HTR4: variants seen among roughly 807,000 people sequenced by gnomAD.
HTR4 encodes 5-hydroxytryptamine receptor 4.
In HTR4, 16 loss-of-function variants were observed where a neutral mutation model predicts 36.8. The ratio of observed to expected loss-of-function variants is 0.43; its 90% CI spans 0.29 to 0.66. The LOEUF is 0.66. Ranked by LOEUF, HTR4 falls within the 30% of genes least tolerant of loss-of-function variation. The pLI is 0.13. For synonymous variants in HTR4, 189 were observed against 185.1 expected, an observed-to-expected ratio of 1.02 and a Z score of -0.17; for missense variants, 438 against 490.9, an observed-to-expected ratio of 0.89 and a Z score of 1.02.
intron 5 of HTR4, among the ~76,000 whole-genome samples, chr5:148,457,487 C>A (rs1373912365): frequency 6.6e-6 from 1 of 151,900 alleles, no homozygotes; most frequent in African/African-American, 2.4e-5. Context: ...AATAATAGCC[C>A]CCTCTGCCTG....
rs1242279464 is a variant in HTR4, at chr5:148,509,759, G to T, written c.773C>A (p.Ala258Asp). ...ACCCATGATGATGCACAGGGTCTTG[G>T]CTGCTTTGGTCTCTGTCCTCATGCG... ...THRMRTETKA[A>D]KTLCIIMGCF... The change falls in exon 6 of 7, where the codon GCC (alanine) becomes GAC (aspartate). Residue 258 changes from alanine to aspartate, a missense_variant. Coordinates refer to ENST00000377888, the MANE Select transcript of HTR4 (RefSeq NM_000870.7). The T allele has an allele frequency of 6.2e-7, 1 of 1,614,086 alleles. No individual in the cohort carries two copies. The highest frequency in any genetic ancestry group is 1.7e-5 in the Admixed American group (1 of 59,996).
At chr5:148,496,302 G>C (rs1256683520) in intron 6 of HTR4, among the ~76,000 whole-genome samples, 1 of 152,132 alleles carries the variant, frequency 6.6e-6, no homozygotes, top group Non-Finnish European at 1.5e-5. Flanking sequence ...TGGGACCCAG[G>C]AATCTGTGTT....
intron 2 of HTR4, among the ~76,000 whole-genome samples, chr5:148,558,902 G>C (rs1760070564): frequency 6.6e-6 from 1 of 152,156 alleles, no homozygotes; most frequent in Non-Finnish European, 1.5e-5. Flanking sequence ...GATGTTCCTA[G>C]ACTTATGATG....
At chr5:148,650,626 G>A (rs1754007670) in intron 1 of HTR4, among the ~76,000 whole-genome samples, 1 of 152,010 alleles carries the variant, frequency 6.6e-6, no homozygotes, top group African/African-American at 2.4e-5. Flanking sequence ...TTAGATTGAT[G>A]GTAAGGAGAA....
chr5:148,611,795 G>C (rs1018302820), intron 2 of HTR4, among the ~76,000 whole-genome samples: 5 of 151,192 alleles, frequency 3.3e-5, no homozygotes, highest in Non-Finnish European at 7.4e-5. Flanking sequence ...CTCACGTGCA[G>C]AGACACACAT....
chr5:148,478,396 C>T (rs186108002), downstream of HTR4, among the ~76,000 whole-genome samples: 11 of 152,212 alleles, frequency 7.2e-5, no homozygotes, highest in Admixed American at 1.3e-4. Context: ...ACTTCACAGC[C>T]GGTGAAGGCT....
chr5:148,616,727 G>T (rs779816882), intron 2 of HTR4, among the ~76,000 whole-genome samples: 1 of 152,056 alleles, frequency 6.6e-6, no homozygotes, highest in Non-Finnish European at 1.5e-5. Context: ...ATACCTTGGT[G>T]CATATCATTC....
intron 5 of HTR4, among the ~76,000 whole-genome samples, chr5:148,463,422 C>T (rs1755338355): frequency 6.6e-6 from 1 of 151,766 alleles, no homozygotes; most frequent in African/African-American, 2.4e-5. Context: ...CCTCGTGATC[C>T]ACCCAGCTCG....
chr5:148,600,562 C>T (rs1032297795), intron 2 of HTR4, among the ~76,000 whole-genome samples: 3 of 151,456 alleles, frequency 2.0e-5, no homozygotes, highest in Non-Finnish European at 4.4e-5. Flanking sequence ...AAAGCAGTTG[C>T]AGTTTTATAC....
intron 6 of HTR4, among the ~76,000 whole-genome samples, chr5:148,499,224 G>A (rs1252436623): frequency 6.6e-6 from 1 of 152,104 alleles, no homozygotes; most frequent in Non-Finnish European, 1.5e-5. Flanking sequence ...AAAATTAGAT[G>A]CAAATGATGG....
chr5:148,466,329 A>C (rs1208588732), intron 5 of HTR4, among the ~76,000 whole-genome samples: 1 of 152,188 alleles, frequency 6.6e-6, no homozygotes, highest in Non-Finnish European at 1.5e-5. Context: ...CCATATAGTC[A>C]TCTCTGACCG....
chr5:148,527,758 C>T (rs796641453), intron 4 of HTR4, among the ~76,000 whole-genome samples: 3 of 152,228 alleles, frequency 2.0e-5, no homozygotes, highest in South Asian at 2.1e-4. Context: ...GGAATACAGG[C>T]GTGCACCACC....
intron 6 of HTR4, among the ~76,000 whole-genome samples, chr5:148,503,289 A>G (rs1757023746): frequency 6.6e-6 from 1 of 152,218 alleles, no homozygotes; most frequent in South Asian, 2.1e-4. Flanking sequence ...CTAACAATGG[A>G]TCTCTCCGCA....
At chr5:148,596,752 C>T (rs1052943431) in intron 2 of HTR4, among the ~76,000 whole-genome samples, 14 of 152,184 alleles carry the variant, frequency 9.2e-5, no homozygotes, top group Admixed American at 9.2e-4. Flanking sequence ...ATTCTTCCTA[C>T]ACAAACTCTG....
At chr5:148,535,695 A>G (rs1758781437) in intron 4 of HTR4, among the ~76,000 whole-genome samples, 2 of 152,196 alleles carry the variant, frequency 1.3e-5, no homozygotes, top group South Asian at 2.1e-4. Flanking sequence ...AGACAAAATA[A>G]TTAAAAGGAA....
intron 1 of HTR4, among the ~76,000 whole-genome samples, chr5:148,649,517 CAGT>C (rs1424595084): frequency 6.6e-6 from 1 of 152,104 alleles, no homozygotes; most frequent in Admixed American, 6.5e-5. Flanking sequence ...ATTTATCTGG[CAGT>C]AGACAAGATA....
At chr5:148,456,010 G>C (rs1377711946) in intron 5 of HTR4, among the ~76,000 whole-genome samples, 8 of 151,938 alleles carry the variant, frequency 5.3e-5, no homozygotes, top group Admixed American at 5.2e-4. Context: ...GGACCCAGAC[G>C]GTTCAAACCC....
At chr5:148,501,446 T>G (rs1316932549) in intron 6 of HTR4, among the ~76,000 whole-genome samples, 1 of 152,240 alleles carries the variant, frequency 6.6e-6, no homozygotes, top group Non-Finnish European at 1.5e-5. Flanking sequence ...TTTCTTCAAT[T>G]CATCTGAATT....
chr5:148,620,411 A>G (rs1752871705), intron 2 of HTR4, among the ~76,000 whole-genome samples: 1 of 152,178 alleles, frequency 6.6e-6, no homozygotes, highest in Admixed American at 6.5e-5. Flanking sequence ...TAATTTGCTG[A>G]CCTTGGAATG....
Sources: gnomAD v4.1 joint callset for allele counts (sites outside exome capture counted in the v4.1 genomes callset) on GRCh38, gnomAD v4.1.1 for gene constraint, MANE v1.5 for transcripts, NCBI Gene and HGNC (gene_info 2026-07-23, HGNC 2026-07-21) for gene names.